Variants in ABCC6 observed in about 807,000 individuals in gnomAD.
The protein encoded by ABCC6 is ATP binding cassette subfamily C member 6, also known as ATP-binding cassette sub-family C member 6.
A neutral mutation model predicts 169.5 loss-of-function variants in ABCC6; 126 were observed. The observed-to-expected ratio is 0.74, with a 90% CI of 0.64 to 0.86. ABCC6 has a LOEUF of 0.86. Ranked by LOEUF, ABCC6 falls within the 40% of genes least tolerant of loss-of-function variation. The pLI, the probability that ABCC6 is intolerant of heterozygous loss-of-function variation, is 0.00. For synonymous variants in ABCC6, 752 were observed against 814.7 expected, an observed-to-expected ratio of 0.92 and a Z score of 1.31; for missense variants, 1,733 against 1,927.2, an observed-to-expected ratio of 0.90 and a Z score of 1.89.
chr16:16,175,217 T>TG (rs955121761), intron 20 of ABCC6, among the ~76,000 whole-genome samples: 1 of 152,198 alleles, frequency 6.6e-6, no homozygotes, highest in Non-Finnish European at 1.5e-5. Flanking sequence ...CTAGCTGGGA[T>TG]GGGGGTCAGC....
intron 7 of ABCC6, among the ~76,000 whole-genome samples, chr16:16,207,144 G>A (rs1303705659): frequency 6.6e-6 from 1 of 152,168 alleles, no homozygotes; most frequent in Non-Finnish European, 1.5e-5. Flanking sequence ...TGGGGTGAGA[G>A]AGAACTGATG....
At chr16:16,159,704 G>T in intron 25 of ABCC6, 121 bp from the exon 26 acceptor site, 1 of 843,264 alleles carries the variant, frequency 1.2e-6, no homozygotes. Context: ...AGGGGAGGCA[G>T]GAATGGGACA....
intron 9 of ABCC6, among the ~76,000 whole-genome samples, chr16:16,200,551 C>T (rs1309688610): frequency 1.4e-5 from 2 of 142,138 alleles, no homozygotes; most frequent in East Asian, 2.0e-4. Context: ...GCTCACCAGG[C>T]GGCCTTCCTC....
chr16:16,202,090 G>T lies in ABCC6; in HGVS notation c.1087C>A (p.Gln363Lys). 6.2e-7 allele frequency: 1 copy of T among 1,614,036 alleles called. No individual in the cohort carries two copies. The highest frequency in any genetic ancestry group is 8.5e-7 in the Non-Finnish European group (1 of 1,179,882). ...ATGTTCTGCTGCTCAAACAGCGTTT[G>T]CAGGCAGGCTGAGAGGAACATCAGC... ...AVLMFLSACL[Q>K]TLFEQQNMYR... is the part of the protein sequence containing the mutation. The change falls in exon 9 of 31, where the codon CAA becomes AAA. Residue 363 changes from glutamine to lysine, a missense_variant. Transcript: ENST00000205557.
chr16:16,198,503 C>T (rs570107125), intron 9 of ABCC6, among the ~76,000 whole-genome samples: 1 of 152,222 alleles, frequency 6.6e-6, no homozygotes, highest in South Asian at 2.1e-4. Flanking sequence ...TATCCTTTCC[C>T]GGGGTGCTCA....
At chr16:16,166,852 C>G (rs1012426057) in intron 22 of ABCC6, among the ~76,000 whole-genome samples, 1 of 152,114 alleles carries the variant, frequency 6.6e-6, no homozygotes, top group Admixed American at 6.6e-5. Flanking sequence ...AAGCCGAGAT[C>G]GTGCTACTGC....
chr16:16,184,446 A>G (rs186247783), intron 15 of ABCC6, among the ~76,000 whole-genome samples: 1 of 152,220 alleles, frequency 6.6e-6, no homozygotes, highest in East Asian at 1.9e-4. Flanking sequence ...CTAGTGCTCT[A>G]TCGATGAAGT....
intron 22 of ABCC6, among the ~76,000 whole-genome samples, chr16:16,166,209 C>T (rs551535440): frequency 1.3e-5 from 2 of 152,212 alleles, no homozygotes; most frequent in African/African-American, 4.8e-5. Flanking sequence ...GCCACCATGC[C>T]GGCTAATTTG....
At chr16:16,202,555 C>T (rs2048280198) in intron 8 of ABCC6, among the ~76,000 whole-genome samples, 1 of 131,682 alleles carries the variant, frequency 7.6e-6, no homozygotes, top group Non-Finnish European at 1.5e-5. Flanking sequence ...AGGCTGGGCC[C>T]TAATCCAATC....
Position 16,150,763 on chromosome 16 carries a change from C to A in ABCC6, c.4218G>T (p.Gln1406His). ...ADRGEDLSVG[Q>H]KQLLCLARAL... ...CACGTGCCAGACACAGGAGCTGTTT[C>A]TGGCCCACGCTGGGAACGATTGGGA... Residue 1406 changes from glutamine (Q) to histidine (H), a missense_variant, in exon 30 of 31, where the codon CAG becomes CAT. Physicochemically the swap from Gln to His is conservative, Grantham distance 24. Coordinates refer to ENST00000205557, the MANE Select transcript of ABCC6 (RefSeq NM_001171.6). 1 of 1,613,570 alleles carries A rather than the reference C, an allele frequency of 6.2e-7. No individual in the cohort carries two copies.
At chr16:16,192,800 C>T in intron 11 of ABCC6, 30 bp downstream of exon 11, 1 of 1,592,020 alleles carries the variant, frequency 6.3e-7, no homozygotes, top group Non-Finnish European at 8.6e-7. Context: ...CTACTTCCTG[C>T]CTGGTCCGTC....
At chr16:16,157,559 G>A in intron 27 of ABCC6, 104 bp downstream of exon 27, 1 of 1,460,248 alleles carries the variant, frequency 6.8e-7, no homozygotes, top group African/African-American at 1.4e-5. Context: ...GGGACCTGAG[G>A]TGGGGACACT....
Position 16,161,508 on chromosome 16 carries a change from G to A in ABCC6, c.3563C>T (p.Thr1188Met), listed in dbSNP as rs777163389. 1.1e-5 allele frequency: 18 copies of A among 1,613,992 alleles called. No individual in the cohort carries two copies. Among genetic ancestry groups the A allele is most frequent in the Middle Eastern group, 3.3e-4 (2 of 6,062 alleles). ...LGNGLVFAAA[T>M]CAVLSKAHLS... ...GTGGGCTTTGCTCAGCACAGCACAC[G>A]TGGCAGCTGCAAACACCAGGCCATT... The change falls in exon 25 of 31, where the codon ACG becomes ATG. Residue 1188 changes from threonine (T) to methionine (M), a missense_variant. Thr to Met is a moderately conservative substitution (Grantham distance 81, BLOSUM62 -1). This residue lies in a region of ABCC6 where 1,601 missense variants were observed against 1,635.5 expected (regional missense o/e 0.98). Transcript: ENST00000205557.
chr16:16,158,040 A>G (rs2046607362), intron 26 of ABCC6, among the ~76,000 whole-genome samples: 1 of 152,168 alleles, frequency 6.6e-6, no homozygotes, highest in African/African-American at 2.4e-5. Context: ...GCCACTGTTT[A>G]TTATAAAATA....
At chr16:16,198,277 C>T (rs909606429) in intron 9 of ABCC6, 95 bp from the exon 10 acceptor site, 32 of 1,340,348 alleles carry the variant, frequency 2.4e-5, no homozygotes, top group Middle Eastern at 2.3e-4. Context: ...CCACCTCACA[C>T]GTCTGCGAGG....
chr16:16,201,995 G>T lies in ABCC6; in HGVS notation c.1176+6C>A. The T allele has an allele frequency of 6.2e-7, 1 of 1,613,972 alleles. No individual in the cohort carries two copies. The highest frequency in any genetic ancestry group is 8.5e-7 in the Non-Finnish European group (1 of 1,179,872). The stretch of plus-strand genomic sequence containing the variant: ...GGAAGACCTGCCCTTGTCCCCCAGG[G>T]CTCACCTTTCTGTACACCAGGCCAG... On this transcript the variant is annotated splice_donor_region_variant and intron_variant, in intron 9 of 30. Transcript: ENST00000205557.
chr16:16,191,966 G>T (rs559057628), intron 11 of ABCC6, among the ~76,000 whole-genome samples: 1 of 152,172 alleles, frequency 6.6e-6, no homozygotes, highest in Non-Finnish European at 1.5e-5. Context: ...CAACCCTGCC[G>T]GGTGCTTCCT....
intron 1 of ABCC6, 93 bp downstream of exon 1, chr16:16,223,304 TGG>T: frequency 1.4e-6 from 1 of 738,150 alleles, no homozygotes; most frequent in Non-Finnish European, 2.2e-6. Context: ...TCCAGGAATT[TGG>T]GGGTCTCTCC....
At chr16:16,187,258 C>T (rs768628292) in intron 13 of ABCC6, 47 bp from the exon 14 acceptor site, 14 of 1,544,218 alleles carry the variant, frequency 9.1e-6, no homozygotes, top group Non-Finnish European at 1.2e-5. Flanking sequence ...GAGCAAAGAA[C>T]TCAGGTTTTG....
Sources: allele counts gnomAD v4.1 joint callset (sites outside exome capture counted in the v4.1 genomes callset), GRCh38; gene constraint gnomAD v4.1.1; regional missense constraint gnomAD v4.1.1; transcripts MANE v1.5; gene names NCBI Gene and HGNC (gene_info 2026-07-23, HGNC 2026-07-21).